HTT: variants seen among roughly 807,000 people sequenced by gnomAD.
HTT encodes the protein huntington disease protein.
HTT carries 104 observed loss-of-function variants against 362.3 expected under a neutral mutation model. The ratio of observed to expected loss-of-function variants is 0.29; its 90% CI spans 0.24 to 0.34. The LOEUF is 0.34. Among genes scored for constraint, HTT ranks in the 10% least tolerant of loss-of-function variants. The pLI is 1.00. For synonymous variants in HTT, 1,577 were observed against 1,548.7 expected (o/e 1.02, Z -0.43); for missense variants, 3,301 against 3,928.6 (o/e 0.84, Z 4.27).
At chr4:3,077,527 C>T (rs1712621994) in intron 1 of HTT, among the ~76,000 whole-genome samples, 2 of 152,308 alleles carry the variant, frequency 1.3e-5, no homozygotes, top group East Asian at 1.9e-4. Context: ...TCAAATGCTT[C>T]TCCTGCCTCA....
chr4:3,157,270 T>C (rs1717196326), intron 28 of HTT, 71 bp downstream of exon 28: 2 of 1,417,960 alleles, frequency 1.4e-6, no homozygotes, highest in Non-Finnish European at 2.0e-6. Flanking sequence ...TTGATGTTTT[T>C]CTTATGATTT....
intron 61 of HTT, among the ~76,000 whole-genome samples, chr4:3,234,212 C>A (rs1721406492): frequency 6.6e-6 from 1 of 152,276 alleles, no homozygotes; most frequent in South Asian, 2.1e-4. Context: ...AGCCAGGGCA[C>A]ATGCCGGTGG....
In HTT at chr4:3,199,820, C is replaced by G; in HGVS notation, c.5457C>G (p.Asn1819Lys). Reference protein sequence around the residue: ...GGSFYTLDSLNLRARSMITTH... With the variant: ...GGSFYTLDSLKLRARSMITTH... Reference sequence around the variant, plus strand: ...GTTTCTACACCCTGGACAGCTTGAACTTGCGGGCTCGTTCCATGATCACCA... The same window carrying G: ...GTTTCTACACCCTGGACAGCTTGAAGTTGCGGGCTCGTTCCATGATCACCA... Residue 1819 changes from asparagine to lysine, a missense_variant, in exon 41 of 67, where the codon AAC (asparagine) becomes AAG (lysine). Asn to Lys is a moderately conservative substitution (Grantham distance 94). Transcript: ENST00000355072. 6.2e-7 allele frequency: 1 copy of G among 1,614,222 alleles called. No individual in the cohort carries two copies. The highest frequency in any genetic ancestry group is 8.5e-7 in the Non-Finnish European group (1 of 1,180,040).
chr4:3,226,143 C>T (rs948311578), intron 57 of HTT, among the ~76,000 whole-genome samples: 2 of 151,630 alleles, frequency 1.3e-5, no homozygotes, highest in African/African-American at 4.9e-5. Context: ...TATGGGGGGC[C>T]GCAGGCGTGG....
intron 26 of HTT, among the ~76,000 whole-genome samples, chr4:3,152,270 T>C (rs191163673): frequency 5.3e-5 from 8 of 152,106 alleles, no homozygotes; most frequent in African/African-American, 1.4e-4. Flanking sequence ...AGCTAACTTT[T>C]TGTATTTTTA....
chr4:3,104,669 T>A (rs1397150700), intron 4 of HTT, among the ~76,000 whole-genome samples: 4 of 152,016 alleles, frequency 2.6e-5, no homozygotes, highest in Admixed American at 2.6e-4. Context: ...GTCCCAGCAC[T>A]TTGGGAACCT....
intron 35 of HTT, among the ~76,000 whole-genome samples, chr4:3,179,144 CTACT>C (rs1390223738): frequency 6.6e-6 from 1 of 152,224 alleles, no homozygotes; most frequent in African/African-American, 2.4e-5. Context: ...AATGGCACTA[CTACT>C]TAGAGTCTTT....
rs1194124775 is a variant in HTT, at chr4:3,180,607, G to C, written c.4705G>C (p.Glu1569Gln). The C allele has an allele frequency of 1.2e-6, 2 of 1,613,838 alleles. No homozygotes were observed. Residue 1569 changes from glutamate (E) to glutamine (Q), a missense_variant, in exon 36 of 67, where the codon GAG becomes CAG. By Grantham distance (29) the Glu-to-Gln change is conservative (BLOSUM62 2). Coordinates refer to ENST00000355072, the MANE Select transcript of HTT (RefSeq NM_001388492.1). ...AGGAAAAGAGCTTGAAACCCAAAAA[G>C]AGGTGGTGGTGTCAATGTTACTGAG... ...DAGKELETQK[E>Q]VVVSMLLRLI...
chr4:3,221,028 G>A (rs1381993459), intron 53 of HTT, among the ~76,000 whole-genome samples: 1 of 152,186 alleles, frequency 6.6e-6, no homozygotes, highest in African/African-American at 2.4e-5. Context: ...ATGGCAAGAG[G>A]TGTGATCTTG....
chr4:3,136,820 T>C (rs1460573030), intron 21 of HTT, among the ~76,000 whole-genome samples: 1 of 152,206 alleles, frequency 6.6e-6, no homozygotes, highest in Non-Finnish European at 1.5e-5. Flanking sequence ...AAATTTTATA[T>C]ACTTTTTTTG....
chr4:3,081,975 C>T (rs1224973364), intron 1 of HTT, among the ~76,000 whole-genome samples: 1 of 152,012 alleles, frequency 6.6e-6, no homozygotes, highest in Non-Finnish European at 1.5e-5. Context: ...AAAAACAAAG[C>T]CCTTCTTGCA....
At chr4:3,095,517 G>C (rs918700701) in intron 2 of HTT, among the ~76,000 whole-genome samples, 1 of 151,964 alleles carries the variant, frequency 6.6e-6, no homozygotes, top group African/African-American at 2.4e-5. Flanking sequence ...GAGACTGTGC[G>C]AGGGCGAGGG....
chr4:3,169,167 T>C (rs1717853036), intron 29 of HTT, among the ~76,000 whole-genome samples: 1 of 151,968 alleles, frequency 6.6e-6, no homozygotes, highest in South Asian at 2.1e-4. Context: ...TACAGGCGCC[T>C]GCCACCACGC....
Position 3,177,339 on chromosome 4 carries a change from T to C in HTT, c.4415T>C (p.Ile1472Thr). The C allele has an allele frequency of 1.2e-6, 2 of 1,600,310 alleles. No individual in the cohort carries two copies. The highest frequency in any genetic ancestry group is 8.5e-7 in the Non-Finnish European group (1 of 1,173,322). ...YCLLDSDQVFIGFVLKQFEYI... is the reference protein window; with the variant it reads ...YCLLDSDQVFTGFVLKQFEYI... ...TTATTTTCCTTCCTGTAGGTGTTTA[T>C]TGGCTTTGTATTGAAACAGTTTGAA... Residue 1472 changes from isoleucine (I) to threonine (T), a missense_variant, in exon 34 of 67, where the codon ATT becomes ACT. Physicochemically the swap from Ile to Thr is moderately conservative, Grantham distance 89 (BLOSUM62 -1). This residue lies in a region of HTT where 2,316 missense variants were observed against 2,658.5 expected (regional missense o/e 0.87). Coordinates refer to ENST00000355072, the MANE Select transcript of HTT (RefSeq NM_001388492.1).
chr4:3,195,083 C>T (rs1406828399), intron 40 of HTT, among the ~76,000 whole-genome samples: 24 of 152,298 alleles, frequency 1.6e-4, no homozygotes. Context: ...CAGGCCACTT[C>T]TTGGGTTGAT....
intron 29 of HTT, among the ~76,000 whole-genome samples, chr4:3,171,216 A>C (rs147316436): frequency 1.3e-3 from 191 of 152,358 alleles, no homozygotes; most frequent in Middle Eastern, 0.01. Context: ...TGAGCATATC[A>C]GAATTTTAAA....
rs1480364245 is a variant in HTT, at chr4:3,178,308, G to T, written c.4474G>T (p.Ala1492Ser). 3.1e-6 allele frequency: 5 copies of T among 1,606,074 alleles called. No individual in the cohort carries two copies. Among genetic ancestry groups the T allele is most frequent in the Non-Finnish European group, 3.4e-6 (4 of 1,173,340 alleles). Residue 1492 changes from alanine to serine, a missense_variant, in exon 35 of 67, where the codon GCA becomes TCA. Physicochemically the swap from Ala to Ser is moderately conservative, Grantham distance 99. Coordinates refer to ENST00000355072, the MANE Select transcript of HTT (RefSeq NM_001388492.1). ...IEVGQFRESE[A>S]IIPNIFFFLV... ...TGTTTTTGTTTTTAGGGAATCAGAGGCAATCATTCCAAACATCTTTTTCTT... is the reference window on the plus strand; with the variant it reads ...TGTTTTTGTTTTTAGGGAATCAGAGTCAATCATTCCAAACATCTTTTTCTT...
intron 51 of HTT, among the ~76,000 whole-genome samples, chr4:3,216,373 CCAGCCGAGTGGCACCT>C (rs1290731546): frequency 6.6e-6 from 1 of 152,224 alleles, no homozygotes; most frequent in African/African-American, 2.4e-5. Context: ...TCTGCATCTT[CCAGCCGAGTGGCACCT>C]CAGGCTGTGG....
chr4:3,216,083 T>C lies in HTT; in HGVS notation c.7054+872T>C, dbSNP rs1037636098. Among the ~76,000 whole-genome samples the C allele has an allele frequency of 5.9e-5, 9 of 152,210 alleles. No individual in the cohort carries two copies. In the East Asian group the frequency reaches 1.5e-3, roughly 26 times the overall value. On this transcript the variant is annotated intron_variant, in intron 51 of 66. Transcript: ENST00000355072. ...GGAAACACGCCTTTTCAATCATGAG[T>C]GCACCAGTGCTTTTGGGCTTTTTCT...
Sources: gnomAD v4.1 joint callset for allele counts (sites outside exome capture counted in the v4.1 genomes callset) on GRCh38, gnomAD v4.1.1 for gene constraint, gnomAD v4.1.1 regional missense constraint, MANE v1.5 for transcripts, NCBI Gene and HGNC (gene_info 2026-07-23, HGNC 2026-07-21) for gene names.